The following APOB variants were observed in gnomAD, a reference collection of about 807,000 sequenced individuals.
APOB encodes apolipoprotein B.
In APOB, 153 loss-of-function variants were observed where a neutral mutation model predicts 314.1. The observed-to-expected ratio is 0.49, with a 90% CI of 0.43 to 0.56. The LOEUF is 0.56. Ranked by LOEUF, APOB falls within the 20% of genes least tolerant of loss-of-function variation. The pLI, the probability that APOB is intolerant of heterozygous loss-of-function variation, is 0.00. For synonymous variants in APOB, 2,087 were observed against 2,036.4 expected, an observed-to-expected ratio of 1.02 and a Z score of -0.67; for missense variants, 5,430 against 5,350.7, an observed-to-expected ratio of 1.01 and a Z score of -0.46.
intron 23 of APOB, 109 bp downstream of exon 23, chr2:21,014,964 G>T: frequency 8.5e-7 from 1 of 1,180,600 alleles, no homozygotes; most frequent in Non-Finnish European, 1.3e-6. Flanking sequence ...CTGGGGGGAA[G>T]GAAGCATGCC....
chr2:21,029,481 A>AAGGG (rs1234023491), intron 12 of APOB, among the ~76,000 whole-genome samples, 158 bp downstream of exon 12: 60 of 136,694 alleles, frequency 4.4e-4, no homozygotes, highest in African/African-American at 1.4e-3. Flanking sequence ...GGAAAGAAGA[A>AAGGG]AGGGAGGGAG....
chr2:21,011,237 T>C lies in APOB; in HGVS notation c.5631A>G (p.Ser1877=). 2 of 1,614,230 alleles carry C rather than the reference T, an allele frequency of 1.2e-6. No homozygotes were observed. The highest frequency in any genetic ancestry group is 1.7e-6 in the Non-Finnish European group (2 of 1,180,034). Residue 1877 remains serine (S), a synonymous_variant, in exon 26 of 29, where the codon TCA becomes TCG. Coordinates refer to ENST00000233242, the MANE Select transcript of APOB (RefSeq NM_000384.3). ...TATAGTTTGTGCTCATGTCAATGGC[T>C]GAAGCCAGCCCAGCGATGTCTGTGT... The part of the protein sequence containing the change: ...RLNTDIAGLA[S]AIDMSTNYNS...
At chr2:21,028,290 C>T (rs1663790243) in intron 13 of APOB, 37 bp downstream of exon 13, 1 of 1,542,412 alleles carries the variant, frequency 6.5e-7, no homozygotes, top group Admixed American at 1.7e-5. Flanking sequence ...CAGCTCAGGG[C>T]CCTCAGTGGT....
At position 21,005,124 on chromosome 2, in the gene APOB, G is replaced by C. The variant is rs201990496; in HGVS notation, c.11744C>G (p.Ser3915Cys). ...KADYVETVLD[S>C]TCSSTVQFLE... The stretch of plus-strand genomic sequence containing the variant: ...GAACTGTACGGTTGAGCTGCATGTG[G>C]AATCCAGGACTGTTTCAACATAATC... Residue 3915 changes from serine (S) to cysteine (C), a missense_variant, in exon 26 of 29, where the codon TCC becomes TGC. Physicochemically the swap from Ser to Cys is moderately radical, Grantham distance 112 (BLOSUM62 -1). Coordinates refer to ENST00000233242, the MANE Select transcript of APOB (RefSeq NM_000384.3). 5 of 1,613,866 alleles carry C rather than the reference G, an allele frequency of 3.1e-6. No individual in the cohort carries two copies. The highest frequency in any genetic ancestry group is 3.4e-6 in the Non-Finnish European group (4 of 1,179,910).
In APOB at chr2:21,043,872, G is replaced by A; in HGVS notation, c.74C>T (p.Ala25Val). Residue 25 changes from alanine (A) to valine (V), a missense_variant, in exon 1 of 29, where the codon GCC (alanine) becomes GTC (valine). Physicochemically the swap from Ala to Val is moderately conservative, Grantham distance 64. Transcript: ENST00000233242. ...PALLLLLLAG[A>V]RAEEEMLENV... is the part of the protein sequence containing the mutation. ...AGCGGCCGCGCACTCACCGGCCCTGGCGCCCGCCAGCAGCAGCAGCAGCAG... is the reference window on the plus strand; with the variant it reads ...AGCGGCCGCGCACTCACCGGCCCTGACGCCCGCCAGCAGCAGCAGCAGCAG... 6.7e-7 allele frequency: 1 copy of A among 1,495,716 alleles called. No individual in the cohort carries two copies. The highest frequency in any genetic ancestry group is 2.1e-5 in the Admixed American group (1 of 47,068). The allele number at this position is 1,495,716 out of a possible 1,614,324, so 92.7% of individuals were successfully genotyped here.
In APOB at chr2:21,003,074, A is replaced by G. The variant is rs143685680; in HGVS notation, c.12348T>C (p.Tyr4116=). 1.1e-4 allele frequency: 167 copies of G among 1,578,540 alleles called. 1 individual carries two copies. The African/African-American group carries it at 1.6e-3, about 15-fold the overall frequency. The change falls in exon 29 of 29, where the codon TAT becomes TAC. Residue 4116 remains tyrosine (Y), a synonymous_variant. Coordinates refer to ENST00000233242, the MANE Select transcript of APOB (RefSeq NM_000384.3). The stretch of plus-strand genomic sequence containing the variant: ...CATCAATTTGCCTAATGGCCCCTTG[A>G]TAAACCCACTCAGCATTGTTCTGCA... The part of the protein sequence containing the change: ...RNLQNNAEWV[Y]QGAIRQIDDI...
Position 21,001,576 on chromosome 2 carries a change from G to C in APOB, c.*154C>G, listed in dbSNP as rs1662977149. 2 of 693,812 alleles carry C rather than the reference G, an allele frequency of 2.9e-6. No individual in the cohort carries two copies. Among genetic ancestry groups the C allele is most frequent in the Non-Finnish European group, 2.4e-6 (1 of 420,282 alleles). The allele number at this position is 693,812 out of a possible 1,614,324, so 43.0% of individuals were successfully genotyped here. A position where few individuals can be genotyped will look rare whatever the true frequency, so the allele number is the denominator to read the frequency against. ...GAGCCCTGGTGCCAGCTTTGGTGCAGGTCCAGTTCATATGTGCTTCTGCTT... is the reference window on the plus strand; with the variant it reads ...GAGCCCTGGTGCCAGCTTTGGTGCACGTCCAGTTCATATGTGCTTCTGCTT... On this transcript the variant is annotated 3_prime_UTR_variant, in exon 29 of 29. Transcript: ENST00000233242.
In APOB at chr2:21,001,859, A is replaced by G; in HGVS notation, c.13563T>C (p.Ile4521=). The change falls in exon 29 of 29, where the codon ATT becomes ATC. Residue 4521 remains isoleucine (I), a synonymous_variant. Coordinates refer to ENST00000233242, the MANE Select transcript of APOB (RefSeq NM_000384.3). ...EKFIAESKRL[I]DLSIQNYHTF... The stretch of plus-strand genomic sequence containing the variant: ...TGTGGTAGTTTTGAATGGACAGGTC[A>G]ATCAATCTTTTGGATTCAGCAATAA... The G allele has an allele frequency of 6.2e-7, 1 of 1,614,082 alleles. No homozygotes were observed. Among genetic ancestry groups the G allele is most frequent in the Non-Finnish European group, 8.5e-7 (1 of 1,179,952 alleles).
Position 21,023,026 on chromosome 2 carries a change from A to G in APOB, c.2621T>C (p.Val874Ala). Residue 874 changes from valine to alanine, a missense_variant, in exon 18 of 29, where the codon GTG becomes GCG. Coordinates refer to ENST00000233242, the MANE Select transcript of APOB (RefSeq NM_000384.3). ...CTCCACAGACACGGAGGGTTTTGCC[A>G]CCAGTTCAGCCTGCATCTATAAGTC... ...LEVANMQAEL[V>A]AKPSVSVEFV... 3 of 1,614,178 alleles carry G rather than the reference A, an allele frequency of 1.9e-6. No individual in the cohort carries two copies. The highest frequency in any genetic ancestry group is 1.7e-6 in the Non-Finnish European group (2 of 1,180,024).
rs187806332 is a variant in APOB at position 21,031,367 on chromosome 2, C to T, written c.1352+987G>A. Among the ~76,000 whole-genome samples, 40 of 152,230 alleles carry T rather than the reference C, an allele frequency of 2.6e-4. No homozygotes were observed. In the East Asian group the frequency reaches 4.6e-3, roughly 18 times the overall value. ...GACAGTCACAGAAAGACAAATATTG[C>T]GTGTTGTCATTTATAAGTGGGAGTG... On this transcript the variant is annotated intron_variant, in intron 10 of 28. Coordinates refer to ENST00000233242, the MANE Select transcript of APOB (RefSeq NM_000384.3).
In APOB at chr2:21,035,652, G is replaced by A. The variant is rs763392528; in HGVS notation, c.750C>T (p.Asp250=). Residue 250 remains aspartate (D), a synonymous_variant, in exon 7 of 29, where the codon GAC becomes GAT. Transcript: ENST00000233242. ...CTTCTGCCACATGCTTCCTCTTAGC[G>A]TCCAGTGTGTACTGACAGGACTGGC... The part of the protein sequence containing the change: ...SSSQSCQYTL[D]AKRKHVAEAI... The A allele has an allele frequency of 8.7e-6, 14 of 1,613,934 alleles. No homozygotes were observed. Among genetic ancestry groups the A allele is most frequent in the African/African-American group, 5.3e-5 (4 of 74,922 alleles).
Position 21,007,353 on chromosome 2 carries a change from C to CT in APOB, c.9514dup (p.Ser3172LysfsTer7). ...GTTTTTCTTATACTGAGCTTTTACA[C>CT]TTAAATCAAATGATTGCTTTGTCGT... is the stretch of plus-strand genomic sequence containing the variant. On this transcript the variant is annotated frameshift_variant, in exon 26 of 29. Transcript: ENST00000233242. LOFTEE classifies it high-confidence loss of function. The CT allele has an allele frequency of 6.2e-7, 1 of 1,613,996 alleles. No individual in the cohort carries two copies. The highest frequency in any genetic ancestry group is 1.3e-5 in the African/African-American group (1 of 75,028).
rs1663211420 is a variant in APOB, at chr2:21,008,455, T to A, written c.8413A>T (p.Asn2805Tyr). ...AKGESKLEVL[N>Y]FDFQANAQLS... ...TGTGCATTTGCTTGAAAATCAAAAT[T>A]GAGAACTTCTAATTTGGACTCTCCT... The change falls in exon 26 of 29, where the codon AAT becomes TAT. Residue 2805 changes from asparagine (N) to tyrosine (Y), a missense_variant. This residue lies in a region of APOB where 3,281 missense variants were observed against 3,171.0 expected (regional missense o/e 1.03). Transcript: ENST00000233242. The A allele has an allele frequency of 6.2e-7, 1 of 1,613,970 alleles. No homozygotes were observed. The highest frequency in any genetic ancestry group is 1.3e-5 in the African/African-American group (1 of 74,910).
Position 21,005,181 on chromosome 2 carries a change from G to T in APOB, c.11687C>A (p.Ala3896Asp), listed in dbSNP as rs759708973. 1.9e-6 allele frequency: 3 copies of T among 1,613,928 alleles called. No individual in the cohort carries two copies. Residue 3896 changes from alanine (A) to aspartate (D), a missense_variant, in exon 26 of 29, where the codon GCC becomes GAC. By Grantham distance (126) the Ala-to-Asp change is moderately radical. Transcript: ENST00000233242. Reference protein sequence around the residue: ...RFEVDSPVYNATWSASLKNKA... With the variant: ...RFEVDSPVYNDTWSASLKNKA... ...GTTTTTCAAACTGGCACTCCAAGTGGCATTATACACGGGAGAGTCTACCTC... is the reference window on the plus strand; with the variant it reads ...GTTTTTCAAACTGGCACTCCAAGTGTCATTATACACGGGAGAGTCTACCTC...
chr2:21,017,499 T>G (rs1424969723), intron 20 of APOB, among the ~76,000 whole-genome samples: 1 of 152,174 alleles, frequency 6.6e-6, no homozygotes, highest in African/African-American at 2.4e-5. Context: ...GAAAAGAGGT[T>G]GGAGCCACGC....
rs1304111145 is a variant in APOB at position 21,028,399 on chromosome 2, T to G, written c.1757A>C (p.Asn586Thr). 2.5e-6 allele frequency: 4 copies of G among 1,614,224 alleles called. No individual in the cohort carries two copies. Among genetic ancestry groups the G allele is most frequent in the Non-Finnish European group, 3.4e-6 (4 of 1,180,032 alleles). ...KIVQILPWEQ[N>T]EQVKNFVASH... ...AGCCACAAAGTTCTTCACTTGCTCA[T>G]TCTGTTCCCATGGTAGAATTTGGAC... Residue 586 changes from asparagine to threonine, a missense_variant, in exon 13 of 29, where the codon AAT becomes ACT. Transcript: ENST00000233242.
chr2:21,002,172 G>A lies in APOB; in HGVS notation c.13250C>T (p.Ala4417Val), dbSNP rs1380497351. 1 of 1,613,780 alleles carries A rather than the reference G, an allele frequency of 6.2e-7. No homozygotes were observed. Among genetic ancestry groups the A allele is most frequent in the Non-Finnish European group, 8.5e-7 (1 of 1,179,920 alleles). Residue 4417 changes from alanine (A) to valine (V), a missense_variant, in exon 29 of 29, where the codon GCT becomes GTT. Ala to Val is a moderately conservative substitution (Grantham distance 64, BLOSUM62 0). Coordinates refer to ENST00000233242, the MANE Select transcript of APOB (RefSeq NM_000384.3). The part of the protein sequence containing the change: ...IVSLIKNLLV[A>V]LKDFHSEYIV... ...ATATTCAGAATGGAAGTCCTTAAGA[G>A]CAACTAACAGGTTCTTGATCAGACT...
In APOB at chr2:21,006,236, A is replaced by C. The variant is rs1004227417; in HGVS notation, c.10632T>G (p.Leu3544=). 2 of 1,614,034 alleles carry C rather than the reference A, an allele frequency of 1.2e-6. No individual in the cohort carries two copies. Among genetic ancestry groups the C allele is most frequent in the East Asian group, 4.5e-5 (2 of 44,878 alleles). ...CTCCAGCAAAATTTTCTTTTACTTC[A>C]AGGTTCCAGATATCATCAATTTTGG... ...GTSKIDDIWN[L]EVKENFAGEA... is the part of the protein sequence containing the mutation. The change falls in exon 26 of 29, where the codon CTT becomes CTG. Residue 3544 remains leucine (L), a synonymous_variant. Transcript: ENST00000233242.
Position 21,002,473 on chromosome 2 carries a change from G to C in APOB, c.12949C>G (p.Leu4317Val), listed in dbSNP as rs769899544. 6.2e-7 allele frequency: 1 copy of C among 1,608,854 alleles called. No homozygotes were observed. The highest frequency in any genetic ancestry group is 1.7e-5 in the Admixed American group (1 of 59,660). Residue 4317 changes from leucine to valine, a missense_variant, in exon 29 of 29, where the codon CTG (leucine) becomes GTG (valine). Around this residue, in one of 3 missense-constraint regions of APOB, gnomAD observed 3,281 missense variants for 3,171.0 expected, o/e 1.03. Transcript: ENST00000233242. ...AGATAAGTAAATTTCATCTCTTTCA[G>C]CTGTTTAATGTTATCTTCTATTAGT... ...FQLIEDNIKQ[L>V]KEMKFTYLIN...
Sources: allele counts gnomAD v4.1 joint callset (sites outside exome capture counted in the v4.1 genomes callset), GRCh38; gene constraint gnomAD v4.1.1; regional missense constraint gnomAD v4.1.1; transcripts MANE v1.5; gene names NCBI Gene and HGNC (gene_info 2026-07-23, HGNC 2026-07-21).